The following CLUAP1 variants were observed in gnomAD, a reference collection of about 807,000 sequenced individuals.
CLUAP1 encodes the protein intraflagellar transport 38, also known as clusterin-associated protein 1.
CLUAP1 carries 50 observed loss-of-function variants against 55.0 expected under a neutral mutation model. The observed-to-expected ratio is 0.91, with a 90% CI of 0.72 to 1.15. CLUAP1 has a LOEUF of 1.15. Ranked by LOEUF, CLUAP1 falls within the 50% of genes most tolerant of loss-of-function variation. CLUAP1 has a pLI of 0.00. For missense variants in CLUAP1, 530 were observed against 507.6 expected (o/e 1.04, Z -0.42); for synonymous variants, 195 against 175.4 (o/e 1.11, Z -0.88).
At chr16:3,535,971 T>A (rs1410234769) in intron 11 of CLUAP1, 151 bp from the exon 12 acceptor site, 18 of 807,176 alleles carry the variant, frequency 2.2e-5, no homozygotes, top group Non-Finnish European at 3.3e-5. Flanking sequence ...CTCAGTCCCA[T>A]CTGTATGCCC....
chr16:3,513,963 G>A (rs1384068993), intron 5 of CLUAP1, among the ~76,000 whole-genome samples: 1 of 152,218 alleles, frequency 6.6e-6, no homozygotes, highest in Non-Finnish European at 1.5e-5. Flanking sequence ...GGACTTAGGT[G>A]CTAGATTGCT....
chr16:3,530,255 A>C (rs1406146229), intron 9 of CLUAP1, among the ~76,000 whole-genome samples: 2 of 152,096 alleles, frequency 1.3e-5, no homozygotes, highest in East Asian at 3.9e-4. Flanking sequence ...AGTTTCCAAC[A>C]CAGGCTTTTC....
rs951425615 is a variant in CLUAP1, at chr16:3,537,127, A to G, written c.*856A>G. 7 of 152,258 alleles carry G rather than the reference A, an allele frequency of 4.6e-5. No individual in the cohort carries two copies. The highest frequency in any genetic ancestry group is 1.7e-4 in the African/African-American group (7 of 41,466). The allele number at this position is 152,258 out of a possible 1,614,324, so 9.4% of individuals were successfully genotyped here. ...TCTCTAAAGGAGCTTTGTTTTGTCT[A>G]AAGTGTGGCAAGACATAGTGCACAA... On this transcript the variant is annotated 3_prime_UTR_variant, in exon 12 of 12. Coordinates refer to ENST00000576634, the MANE Select transcript of CLUAP1 (RefSeq NM_015041.3).
intron 7 of CLUAP1, among the ~76,000 whole-genome samples, chr16:3,522,580 G>A (rs2037860459): frequency 3.3e-5 from 5 of 152,056 alleles, no homozygotes; most frequent in Admixed American, 3.3e-4. Flanking sequence ...GTGTCACCCA[G>A]GCTGGAGGGC....
intron 4 of CLUAP1, among the ~76,000 whole-genome samples, chr16:3,509,705 A>G (rs1055746320): frequency 2.0e-5 from 3 of 152,210 alleles, no homozygotes; most frequent in African/African-American, 7.2e-5. Flanking sequence ...ACGTGAAACC[A>G]CAGTGCACTG....
At chr16:3,532,173 T>A (rs1196525245) in intron 10 of CLUAP1, among the ~76,000 whole-genome samples, 1 of 152,170 alleles carries the variant, frequency 6.6e-6, no homozygotes, top group Non-Finnish European at 1.5e-5. Context: ...GTCATATTCC[T>A]AGCAGGACTG....
intron 6 of CLUAP1, among the ~76,000 whole-genome samples, chr16:3,519,342 G>A (rs147838192): frequency 6.6e-6 from 1 of 152,196 alleles, no homozygotes; most frequent in African/African-American, 2.4e-5. Context: ...CTTCAGAGTG[G>A]TTTCTCCTCG....
At chr16:3,499,767 TG>T (rs1310355119), upstream of CLUAP1, among the ~76,000 whole-genome samples, 2 of 152,226 alleles carry the variant, frequency 1.3e-5, no homozygotes, top group African/African-American at 4.8e-5. Context: ...GCAACATTTA[TG>T]GGAGGCCATT....
Position 3,536,212 on chromosome 16 carries a change from A to G in CLUAP1, c.1183A>G (p.Lys395Glu), listed in dbSNP as rs2038228993. 1.7e-5 allele frequency: 27 copies of G among 1,614,064 alleles called. No individual in the cohort carries two copies. The highest frequency in any genetic ancestry group is 2.2e-5 in the Non-Finnish European group (26 of 1,180,048). The change falls in exon 12 of 12, where the codon AAG (lysine) becomes GAG (glutamate). Residue 395 changes from lysine (K) to glutamate (E), a missense_variant. Lys to Glu is a moderately conservative substitution (Grantham distance 56). Transcript: ENST00000576634. Reference sequence around the variant, plus strand: ...CGAGAGCATTTCTCTCTCACCAACCAAGCCCAATCGAAGGGTCCGGAAATC... The same window carrying G: ...CGAGAGCATTTCTCTCTCACCAACCGAGCCCAATCGAAGGGTCCGGAAATC... ...EDESISLSPT[K>E]PNRRVRKSEP... is the part of the protein sequence containing the mutation.
chr16:3,501,040 A>T lies in CLUAP1; in HGVS notation c.-28A>T. 6.3e-7 allele frequency: 1 copy of T among 1,596,670 alleles called. No individual in the cohort carries two copies. The highest frequency in any genetic ancestry group is 8.5e-7 in the Non-Finnish European group (1 of 1,174,542). On this transcript the variant is annotated 5_prime_UTR_variant, in exon 1 of 12. Transcript: ENST00000576634. The stretch of plus-strand genomic sequence containing the variant: ...GATCGCTGAGGGGCGAGCAGTTGCG[A>T]CCCTGGGCTCCTGGGGACCTGAGCG...
chr16:3,528,090 C>A (rs1567438183), intron 9 of CLUAP1, among the ~76,000 whole-genome samples: 1 of 152,320 alleles, frequency 6.6e-6, no homozygotes, highest in East Asian at 1.9e-4. Context: ...AACCCACCGA[C>A]CCTGTGGGGC....
chr16:3,515,271 TG>T, intron 5 of CLUAP1: 1 of 356,820 alleles, frequency 2.8e-6, no homozygotes, highest in South Asian at 6.8e-5. Context: ...CTCATAGAGT[TG>T]GGGTCACCTA....
upstream of CLUAP1, among the ~76,000 whole-genome samples, chr16:3,498,340 C>T (rs1228173446): frequency 1.3e-5 from 2 of 152,002 alleles, no homozygotes; most frequent in East Asian, 1.9e-4. Flanking sequence ...CTTCTGGAAA[C>T]GCTTACACAA....
intron 6 of CLUAP1, among the ~76,000 whole-genome samples, chr16:3,519,577 T>G (rs1291963871): frequency 2.6e-5 from 4 of 152,212 alleles, no homozygotes; most frequent in Non-Finnish European, 4.4e-5. Flanking sequence ...ATGTGCACCT[T>G]GTTCTAACCG....
intron 6 of CLUAP1, among the ~76,000 whole-genome samples, chr16:3,519,324 CGTACTG>C (rs1168164495): frequency 6.6e-6 from 1 of 152,234 alleles, no homozygotes; most frequent in Non-Finnish European, 1.5e-5. Context: ...GAACTGCTTT[CGTACTG>C]TCTTCAGAGT....
intron 8 of CLUAP1, among the ~76,000 whole-genome samples, chr16:3,526,210 C>G (rs1024961261): frequency 2.0e-5 from 3 of 152,166 alleles, no homozygotes; most frequent in African/African-American, 4.8e-5. Flanking sequence ...CACCAGGCCA[C>G]GAGGCAACCG....
At position 3,532,518 on chromosome 16, in the gene CLUAP1, G is replaced by A. The variant is rs558784433; in HGVS notation, c.1037-268G>A. 4.1e-5 allele frequency among the ~76,000 whole-genome samples: 6 copies of A among 145,394 alleles called. 1 individual carries two copies. The South Asian group carries it at 1.3e-3, about 32-fold the overall frequency. ...CAACCTCTGCTTCCTGGTTTCAAGC[G>A]AGTCTCCTGCCTCAGCCTCCCGAGT... On this transcript the variant is annotated intron_variant, in intron 10 of 11. Transcript: ENST00000576634.
At chr16:3,528,639 A>C (rs560328754) in intron 9 of CLUAP1, among the ~76,000 whole-genome samples, 68 of 152,230 alleles carry the variant, frequency 4.5e-4, no homozygotes, top group African/African-American at 1.6e-3. Context: ...CCGGGCCAGG[A>C]TGCTAAGACC....
chr16:3,533,276 A>G (rs1596407583), intron 11 of CLUAP1: 3 of 780,904 alleles, frequency 3.8e-6, no homozygotes, highest in East Asian at 2.7e-5. Context: ...CACTCAAAAG[A>G]GATCCTGTGG....
Sources: gnomAD v4.1 joint callset for allele counts (sites outside exome capture counted in the v4.1 genomes callset) on GRCh38, gnomAD v4.1.1 for gene constraint, MANE v1.5 for transcripts, NCBI Gene and HGNC (gene_info 2026-07-23, HGNC 2026-07-21) for gene names.